The following PTBP3 variants were observed in gnomAD, a reference collection of about 807,000 sequenced individuals.
The protein encoded by PTBP3 is polypyrimidine tract binding protein 3, also known as polypyrimidine tract-binding protein 3.
PTBP3 carries 20 observed loss-of-function variants against 58.7 expected under a neutral mutation model. That is an observed-to-expected ratio of 0.34 (90% CI 0.24 to 0.50). The LOEUF is 0.50. Ranked by LOEUF, PTBP3 falls within the 20% of genes least tolerant of loss-of-function variation. The probability of loss-of-function intolerance (pLI) is 0.98; values close to 1 mark genes in which losing one functional copy is unlikely to be tolerated. For missense variants in PTBP3, 509 were observed against 637.2 expected, an observed-to-expected ratio of 0.80 and a Z score of 2.17; for synonymous variants, 185 against 219.8, an observed-to-expected ratio of 0.84 and a Z score of 1.40.
chr9:112,232,434 T>C (rs1228091735), intron 8 of PTBP3, among the ~76,000 whole-genome samples, 196 bp from the exon 9 acceptor site: 1 of 152,194 alleles, frequency 6.6e-6, no homozygotes, highest in East Asian at 1.9e-4. Flanking sequence ...TTGACATTAC[T>C]ATACTTAGTG....
chr9:112,290,701 T>TACACACAC lies in PTBP3; in HGVS notation c.34+7130_34+7131insGTGTGTGT, dbSNP rs1376874308. ...AAAAAAAAAAAAATATATATATATA[T>TACACACAC]ATATATACACACACACACACACACA... On this transcript the variant is annotated intron_variant, in intron 2 of 13. Coordinates refer to ENST00000374257, the MANE Select transcript of PTBP3 (RefSeq NM_001163788.4). Among the ~76,000 whole-genome samples the TACACACAC allele has an allele frequency of 3.1e-3, 202 of 64,800 alleles. 2 individuals are homozygous for TACACACAC. Among genetic ancestry groups the TACACACAC allele is most frequent in the South Asian group, 9.3e-3 (19 of 2,044 alleles). The allele number at this position is 64,800 out of a possible 152,430, so 42.5% of individuals were successfully genotyped here. A position where few individuals can be genotyped will look rare whatever the true frequency, so the allele number is the denominator to read the frequency against.
the PTBP3 span, among the ~76,000 whole-genome samples, chr9:112,347,341 CTTT>C: frequency 2.1e-4 from 27 of 130,882 alleles, no homozygotes; most frequent in Non-Finnish European, 2.3e-4. Context: ...ACTGGGATAC[CTTT>C]TTTTTTTTTT....
At chr9:112,372,153 G>T in the PTBP3 span, among the ~76,000 whole-genome samples, 1 of 151,854 alleles carries the variant, frequency 6.6e-6, no homozygotes, top group Admixed American at 6.6e-5. Flanking sequence ...ACTTACTTCA[G>T]CCCCCTCAAG....
At chr9:112,231,996 G>GA (rs1835248862) in intron 9 of PTBP3, 103 bp downstream of exon 9, 1 of 500,932 alleles carries the variant, frequency 2.0e-6, no homozygotes, top group Non-Finnish European at 3.1e-6. Context: ...GAAGAGAAGA[G>GA]AAGAGAAGAG....
At position 112,285,716 on chromosome 9, in the gene PTBP3, T is replaced by C. The variant is rs547565541; in HGVS notation, c.35-9703A>G. 4.6e-5 allele frequency among the ~76,000 whole-genome samples: 7 copies of C among 152,352 alleles called. No homozygotes were observed. The South Asian group carries it at 1.5e-3, about 32-fold the overall frequency. On this transcript the variant is annotated intron_variant, in intron 2 of 13. Coordinates refer to ENST00000374257, the MANE Select transcript of PTBP3 (RefSeq NM_001163788.4). ...CAGAAATTTGAATTTCATGAAAGTT[T>C]CGTGTGCCATTTAATCTTATCCTTT...
In PTBP3 at chr9:112,222,074, C is replaced by T. The variant is rs534407531; in HGVS notation, c.*1777G>A. The T allele has an allele frequency of 6.1e-6, 6 of 979,132 alleles. No individual in the cohort carries two copies. The highest frequency in any genetic ancestry group is 1.1e-4 in the East Asian group (1 of 8,762). 60.7% of individuals were successfully genotyped at this position (979,132 alleles called of 1,614,324 possible). On this transcript the variant is annotated 3_prime_UTR_variant, in exon 14 of 14. Coordinates refer to ENST00000374257, the MANE Select transcript of PTBP3 (RefSeq NM_001163788.4). The stretch of plus-strand genomic sequence containing the variant: ...CTCAGCCTGTAGCTGGGACTACAGG[C>T]GCACAGGCGCACACCACCATGCCCA...
chr9:112,369,739 C>T, the PTBP3 span, among the ~76,000 whole-genome samples: 3 of 152,032 alleles, frequency 2.0e-5, no homozygotes, highest in Non-Finnish European at 4.4e-5. Flanking sequence ...TTTTGAAATG[C>T]GAGGACAGGA....
At chr9:112,286,394 C>G (rs1052108044) in intron 2 of PTBP3, among the ~76,000 whole-genome samples, 1 of 152,000 alleles carries the variant, frequency 6.6e-6, no homozygotes, top group Non-Finnish European at 1.5e-5. Context: ...TGTTTCCCGG[C>G]TTCCTTTGGA....
the PTBP3 span, among the ~76,000 whole-genome samples, chr9:112,342,304 A>G: frequency 4.6e-5 from 7 of 152,190 alleles, no homozygotes; most frequent in South Asian, 2.1e-4. Context: ...CTTGGCCTCC[A>G]TAAGTCTCCT....
At chr9:112,217,886 A>G (rs1207271526), downstream of PTBP3, 2 of 152,162 alleles carry the variant, frequency 1.3e-5, no homozygotes, top group African/African-American at 4.8e-5. Context: ...CAATCCAACA[A>G]TTCTTTAAAG....
At chr9:112,239,865 G>T (rs1156679597) in intron 7 of PTBP3, among the ~76,000 whole-genome samples, 1 of 111,710 alleles carries the variant, frequency 9.0e-6, no homozygotes, top group Non-Finnish European at 1.9e-5. Flanking sequence ...GAGGGAGGGA[G>T]GGAGGGAGGG....
At chr9:112,333,337 GGGCTT>G (rs1830461382) in intron 1 of PTBP3, 128 bp downstream of exon 1, 18 of 1,113,938 alleles carry the variant, frequency 1.6e-5, no homozygotes, top group Non-Finnish European at 2.1e-5. Flanking sequence ...CCCCGCCGTC[GGGCTT>G]GGCCGGGGCC....
the PTBP3 span, among the ~76,000 whole-genome samples, chr9:112,348,611 A>G: frequency 6.6e-6 from 1 of 152,238 alleles, no homozygotes; most frequent in Non-Finnish European, 1.5e-5. Flanking sequence ...GCCCGGAAGC[A>G]TCACAAGTTA....
chr9:112,372,348 G>A, the PTBP3 span, among the ~76,000 whole-genome samples: 1 of 151,928 alleles, frequency 6.6e-6, no homozygotes, highest in South Asian at 2.1e-4. Context: ...TAAAGTGCTG[G>A]GATTACATGC....
At chr9:112,337,867 A>G (rs752362975), upstream of PTBP3, among the ~76,000 whole-genome samples, 10 of 152,234 alleles carry the variant, frequency 6.6e-5, no homozygotes, top group Non-Finnish European at 1.3e-4. Context: ...TTTACAGGTA[A>G]GACTTCTTAA....
chr9:112,312,911 G>A (rs1829550152), intron 1 of PTBP3, among the ~76,000 whole-genome samples: 1 of 152,048 alleles, frequency 6.6e-6, no homozygotes. Flanking sequence ...AGGTATGGTG[G>A]TGCATGCCTG....
At chr9:112,277,428 A>C (rs1827655130) in intron 2 of PTBP3, among the ~76,000 whole-genome samples, 1 of 152,110 alleles carries the variant, frequency 6.6e-6, no homozygotes, top group Admixed American at 6.6e-5. Flanking sequence ...ACTACTGATT[A>C]TATTCTTTCA....
At chr9:112,295,524 T>C (rs773522865) in intron 2 of PTBP3, among the ~76,000 whole-genome samples, 86 of 146,364 alleles carry the variant, frequency 5.9e-4, no homozygotes, top group Admixed American at 2.0e-3. Context: ...TGACCACATC[T>C]AGCTATAATG....
chr9:112,300,237 A>C (rs1457145425), intron 1 of PTBP3, among the ~76,000 whole-genome samples: 1 of 152,226 alleles, frequency 6.6e-6, no homozygotes, highest in African/African-American at 2.4e-5. Context: ...ATCCTTACAT[A>C]GTCTACTCCG....
Sources: allele counts gnomAD v4.1 joint callset (sites outside exome capture counted in the v4.1 genomes callset), GRCh38; gene constraint gnomAD v4.1.1; transcripts MANE v1.5; gene names NCBI Gene and HGNC (gene_info 2026-07-23, HGNC 2026-07-21).